Variants in CNIH3 observed in about 807,000 individuals in gnomAD.
The protein encoded by CNIH3 is protein cornichon homolog 3.
A neutral mutation model predicts 24.1 loss-of-function variants in CNIH3; 14 were observed. That is an observed-to-expected ratio of 0.58 (90% confidence interval 0.38 to 0.91). CNIH3 has a LOEUF of 0.91. CNIH3 is among the 40% of genes least tolerant of loss of function. The pLI, the probability that CNIH3 is intolerant of heterozygous loss-of-function variation, is 0.00. For missense variants in CNIH3, 178 were observed against 196.8 expected (o/e 0.90, Z 0.57); for synonymous variants, 68 against 73.8 (o/e 0.92, Z 0.40).
chr1:224,735,548 AGAG>A (rs1430302030), intron 5 of CNIH3, among the ~76,000 whole-genome samples: 1 of 152,210 alleles, frequency 6.6e-6, no homozygotes, highest in Admixed American at 6.5e-5. Flanking sequence ...AGCCAGGTGA[AGAG>A]GAGGAGGGGT....
At chr1:224,645,085 G>A (rs936520967) in intron 1 of CNIH3, among the ~76,000 whole-genome samples, 5 of 152,212 alleles carry the variant, frequency 3.3e-5, no homozygotes, top group African/African-American at 1.2e-4. Flanking sequence ...TTCTCTTTGA[G>A]TGCTGGGCAT....
intron 1 of CNIH3, among the ~76,000 whole-genome samples, chr1:224,624,771 T>G (rs1469587828): frequency 6.6e-6 from 1 of 152,234 alleles, no homozygotes. Flanking sequence ...TTTCTCTCGC[T>G]TTCAAAGTTT....
At chr1:224,669,842 C>T (rs889910995) in intron 1 of CNIH3, among the ~76,000 whole-genome samples, 5 of 152,238 alleles carry the variant, frequency 3.3e-5, no homozygotes, top group African/African-American at 7.2e-5. Flanking sequence ...GCACCTTGCC[C>T]ATAGTCACAC....
intron 3 of CNIH3, among the ~76,000 whole-genome samples, chr1:224,711,794 CAAAAAAA>C (rs11437581): frequency 3.0e-5 from 2 of 65,670 alleles, no homozygotes; most frequent in African/African-American, 6.2e-5. Flanking sequence ...GACCCTGTCT[CAAAAAAA>C]AAAAAAAAAA....
chr1:224,656,651 G>C (rs1257677713), intron 1 of CNIH3, among the ~76,000 whole-genome samples: 1 of 152,134 alleles, frequency 6.6e-6, no homozygotes, highest in Non-Finnish European at 1.5e-5. Context: ...ACAGATGAGT[G>C]GGTGGTCAGC....
intron 1 of CNIH3, among the ~76,000 whole-genome samples, chr1:224,516,249 G>A (rs1282214833): frequency 1.3e-5 from 2 of 149,548 alleles, no homozygotes; most frequent in Admixed American, 6.7e-5. Flanking sequence ...AGGAGGCGGA[G>A]GTTGCAGTGA....
At chr1:224,548,300 T>C (rs1679781199) in intron 3 of CNIH3, among the ~76,000 whole-genome samples, 1 of 151,984 alleles carries the variant, frequency 6.6e-6, no homozygotes, top group African/African-American at 2.4e-5. Flanking sequence ...CCTTGTGATA[T>C]TACTCGCAAT....
chr1:224,636,420 C>CAGAAT (rs1168683365), intron 1 of CNIH3, among the ~76,000 whole-genome samples: 1 of 152,212 alleles, frequency 6.6e-6, no homozygotes, highest in Admixed American at 6.5e-5. Context: ...ACAGCCTATT[C>CAGAAT]AGGACGAAGC....
At chr1:224,619,859 T>A (rs883115) in intron 1 of CNIH3, among the ~76,000 whole-genome samples, 1 of 152,016 alleles carries the variant, frequency 6.6e-6, no homozygotes. Context: ...CTGTAAGATA[T>A]GAAGATGGCG....
rs74614104 is a variant in CNIH3, at chr1:224,610,236, T to G, written n.402+43972T>G. On this transcript the variant is annotated intron_variant and non_coding_transcript_variant, in intron 3 of 7. Transcript: ENST00000478120. Reference sequence around the variant, plus strand: ...ATTTTGATGTACACTATTTTCAATTTACAAAGGGTTTATTGGGATGTAACC... The same window carrying G: ...ATTTTGATGTACACTATTTTCAATTGACAAAGGGTTTATTGGGATGTAACC... Among the ~76,000 whole-genome samples, 1,253 of 152,314 alleles carry G rather than the reference T, an allele frequency of 8.2e-3. 21 individuals carry two copies. The highest frequency in any genetic ancestry group is 0.029 in the African/African-American group (1,196 of 41,554).
At chr1:224,493,272 A>G (rs754231368) in intron 1 of CNIH3, among the ~76,000 whole-genome samples, 65 of 152,282 alleles carry the variant, frequency 4.3e-4, no homozygotes, top group Non-Finnish European at 7.3e-4. Context: ...ATATGCGGAA[A>G]TTTTAAATTT....
chr1:224,455,606 T>C (rs1675617269), intron 1 of CNIH3, among the ~76,000 whole-genome samples: 1 of 152,114 alleles, frequency 6.6e-6, no homozygotes, highest in Admixed American at 6.6e-5. Flanking sequence ...ACACCCAGTG[T>C]AGATGAGGGT....
In CNIH3 at chr1:224,653,070, T is replaced by A. The variant is rs564390541; in HGVS notation, c.82-27888T>A. Among the ~76,000 whole-genome samples, 5 of 152,338 alleles carry A rather than the reference T, an allele frequency of 3.3e-5. No individual in the cohort carries two copies. In the South Asian group the frequency reaches 8.3e-4, roughly 25 times the overall value. On this transcript the variant is annotated intron_variant, in intron 1 of 5. Coordinates refer to ENST00000272133, the MANE Select transcript of CNIH3 (RefSeq NM_152495.2). ...AGGTTTGACAACTAAAATAAATTAT[T>A]AATTATTCTACATATTCCTTGTCAA...
downstream of CNIH3, among the ~76,000 whole-genome samples, chr1:224,542,311 C>G (rs1209222467): frequency 6.6e-6 from 1 of 152,198 alleles, no homozygotes; most frequent in Non-Finnish European, 1.5e-5. Context: ...GAAGCCCTAG[C>G]AACGATTTTG....
chr1:224,565,065 C>T (rs954850462), intron 3 of CNIH3, among the ~76,000 whole-genome samples: 1 of 152,206 alleles, frequency 6.6e-6, no homozygotes, highest in African/African-American at 2.4e-5. Flanking sequence ...TTCCATTTAT[C>T]ACAAGTTTTC....
intron 1 of CNIH3, among the ~76,000 whole-genome samples, chr1:224,666,406 C>T (rs947346896): frequency 3.3e-5 from 5 of 152,168 alleles, no homozygotes; most frequent in East Asian, 3.8e-4. Context: ...GCTATTTTTC[C>T]ATTGAAGTAT....
At chr1:224,643,189 G>A (rs1445755106) in intron 1 of CNIH3, among the ~76,000 whole-genome samples, 1 of 152,148 alleles carries the variant, frequency 6.6e-6, no homozygotes, top group Non-Finnish European at 1.5e-5. Context: ...AATACCTGCC[G>A]AGGATCCTGG....
chr1:224,657,925 T>C (rs1354917921), intron 1 of CNIH3, among the ~76,000 whole-genome samples: 3 of 152,186 alleles, frequency 2.0e-5, no homozygotes, highest in African/African-American at 4.8e-5. Flanking sequence ...TTTAACATAA[T>C]CATAATTATT....
chr1:224,632,346 A>G (rs959705145), intron 1 of CNIH3, among the ~76,000 whole-genome samples: 4 of 152,060 alleles, frequency 2.6e-5, no homozygotes, highest in Non-Finnish European at 2.9e-5. Flanking sequence ...TCTAAATTCT[A>G]CACTGAACAG....
Sources: allele counts gnomAD v4.1 joint callset (sites outside exome capture counted in the v4.1 genomes callset), GRCh38; gene constraint gnomAD v4.1.1; transcripts MANE v1.5; gene names NCBI Gene and HGNC (gene_info 2026-07-23, HGNC 2026-07-21).